LY75: variants seen among roughly 807,000 people sequenced by gnomAD.
LY75 encodes lymphocyte antigen 75, also known as C-type lectin domain family 13 member B.
A neutral mutation model predicts 231.7 loss-of-function variants in LY75; 185 were observed. That is an observed-to-expected ratio of 0.80 (90% CI 0.71 to 0.90). The LOEUF (loss-of-function observed/expected upper bound fraction) is 0.90, where lower values mean the gene tolerates loss of function less well. Ranked by LOEUF, LY75 falls within the 40% of genes least tolerant of loss-of-function variation. The probability of loss-of-function intolerance (pLI) is 0.00; values close to 1 mark genes in which losing one functional copy is unlikely to be tolerated. For synonymous variants in LY75, 668 were observed against 689.0 expected (o/e 0.97, Z 0.48); for missense variants, 1,947 against 2,050.2 (o/e 0.95, Z 0.97).
Position 159,890,228 on chromosome 2 carries a change from A to T in LY75, c.787T>A (p.Leu263Ile), listed in dbSNP as rs1342908967. Residue 263 changes from leucine (L) to isoleucine (I), a missense_variant, in exon 4 of 35, where the codon TTA becomes ATA. By Grantham distance (5) the Leu-to-Ile change is conservative. Coordinates refer to ENST00000263636, the MANE Select transcript of LY75 (RefSeq NM_002349.4). Reference sequence around the variant, plus strand: ...TAAAATCTACCTTTAAGGTAAGTTAATTCAGCAGCACTGTTGATGCTCAGT... The same window carrying T: ...TAAAATCTACCTTTAAGGTAAGTTATTTCAGCAGCACTGTTGATGCTCAGT... ...DLLSINSAAE[L>I]TYLKEKEGIA... 1 of 1,611,470 alleles carries T rather than the reference A, an allele frequency of 6.2e-7. No individual in the cohort carries two copies. The highest frequency in any genetic ancestry group is 1.1e-5 in the South Asian group (1 of 90,434).
rs1452233867 is a variant in LY75, at chr2:159,904,691, G to A, written c.-9C>T. 2.8e-6 allele frequency: 4 copies of A among 1,424,972 alleles called. No homozygotes were observed. The African/African-American group carries it at 6.0e-5, about 22-fold the overall frequency. The allele number at this position is 1,424,972 out of a possible 1,614,324, so 88.3% of individuals were successfully genotyped here. Reference sequence around the variant, plus strand: ...GCCCAGCCTGTCCTCATCCTGAGCTGGCGCAAGCCTTCCGGCCGGGTCCTC... The same window carrying A: ...GCCCAGCCTGTCCTCATCCTGAGCTAGCGCAAGCCTTCCGGCCGGGTCCTC... On this transcript the variant is annotated 5_prime_UTR_variant, in exon 1 of 35. Coordinates refer to ENST00000263636, the MANE Select transcript of LY75 (RefSeq NM_002349.4).
intron 14 of LY75, among the ~76,000 whole-genome samples, chr2:159,861,452 A>G (rs1488377165): frequency 6.6e-6 from 1 of 152,228 alleles, no homozygotes; most frequent in Non-Finnish European, 1.5e-5. Context: ...ATTTCCTCCA[A>G]TAAGGATACT....
chr2:159,895,548 T>A (rs1391060220), intron 2 of LY75, among the ~76,000 whole-genome samples: 1 of 152,204 alleles, frequency 6.6e-6, no homozygotes, highest in East Asian at 1.9e-4. Flanking sequence ...TTGTTCTTTA[T>A]CATAAACCTG....
At chr2:159,879,054 T>A (rs1471718545) in intron 9 of LY75, among the ~76,000 whole-genome samples, 2 of 152,200 alleles carry the variant, frequency 1.3e-5, no homozygotes, top group African/African-American at 2.4e-5. Context: ...ATTCTACAAA[T>A]ATTTATAGAA....
rs761613853 is a variant in LY75 at position 159,840,966 on chromosome 2, A to G, written c.3281-11T>C. The G allele has an allele frequency of 8.7e-6, 14 of 1,611,590 alleles. No individual in the cohort carries two copies. The highest frequency in any genetic ancestry group is 1.0e-5 in the Non-Finnish European group (12 of 1,179,342). ...GTCTGCTTTTAACTTCTGCATGTAAAAGAAAACAACAACAACAACAAACCC... is the reference window on the plus strand; with the variant it reads ...GTCTGCTTTTAACTTCTGCATGTAAGAGAAAACAACAACAACAACAAACCC... On this transcript the variant is annotated splice_polypyrimidine_tract_variant and intron_variant, in intron 24 of 34. Transcript: ENST00000263636.
intron 21 of LY75, 147 bp downstream of exon 21, chr2:159,852,054 C>T (rs1684415529): frequency 8.4e-7 from 1 of 1,190,534 alleles, no homozygotes; most frequent in South Asian, 2.0e-5. Context: ...TCCACGGTTT[C>T]TGGCAACACA....
At position 159,853,700 on chromosome 2, in the gene LY75, G is replaced by A; in HGVS notation, c.2596-3C>T. The stretch of plus-strand genomic sequence containing the variant: ...CACTTCTGTCCATCACCAGATATCT[G>A]AAAAACAAGCCAAACATCCATCCTT... On this transcript the variant is annotated splice_polypyrimidine_tract_variant and splice_region_variant and intron_variant, in intron 18 of 34. Coordinates refer to ENST00000263636, the MANE Select transcript of LY75 (RefSeq NM_002349.4). 1 of 1,613,294 alleles carries A rather than the reference G, an allele frequency of 6.2e-7. No individual in the cohort carries two copies. The highest frequency in any genetic ancestry group is 8.5e-7 in the Non-Finnish European group (1 of 1,179,760).
At chr2:159,891,841 AG>A (rs776021275) in intron 3 of LY75, among the ~76,000 whole-genome samples, 4 of 152,230 alleles carry the variant, frequency 2.6e-5, no homozygotes, top group Non-Finnish European at 4.4e-5. Context: ...CCTGAGAAAC[AG>A]GGGTTTACAT....
intron 23 of LY75, among the ~76,000 whole-genome samples, chr2:159,848,113 C>CA (rs1188769706): frequency 1.4e-5 from 2 of 140,966 alleles, no homozygotes; most frequent in East Asian, 2.2e-4. Context: ...CATACACACA[C>CA]CATATATACG....
At chr2:159,830,718 T>C (rs1366473123) in intron 28 of LY75, among the ~76,000 whole-genome samples, 1 of 151,818 alleles carries the variant, frequency 6.6e-6, no homozygotes, top group East Asian at 1.9e-4. Context: ...GCTTCCCAAG[T>C]AACTAGGCAC....
In LY75 at chr2:159,850,482, A is replaced by AT. The variant is rs1560080800; in HGVS notation, c.2884-16dup. 1.9e-6 allele frequency: 3 copies of AT among 1,613,016 alleles called. No individual in the cohort carries two copies. Among genetic ancestry groups the AT allele is most frequent in the Non-Finnish European group, 2.5e-6 (3 of 1,179,370 alleles). On this transcript the variant is annotated splice_polypyrimidine_tract_variant and intron_variant, in intron 21 of 34. Transcript: ENST00000263636. Reference sequence around the variant, plus strand: ...TTTAGAAAACACTGCAAACAAAGACATATGTGAAGCATGAGATTCCAGACA... The same window carrying AT: ...TTTAGAAAACACTGCAAACAAAGACATTATGTGAAGCATGAGATTCCAGACA...
At chr2:159,893,103 A>G (rs1374595404) in intron 3 of LY75, among the ~76,000 whole-genome samples, 1 of 152,228 alleles carries the variant, frequency 6.6e-6, no homozygotes. Flanking sequence ...AAAGTTCCAC[A>G]TCACCAAACT....
chr2:159,896,043 T>C (rs1685901187), intron 2 of LY75, among the ~76,000 whole-genome samples: 1 of 152,228 alleles, frequency 6.6e-6, no homozygotes, highest in African/African-American at 2.4e-5. Context: ...GAGGTGATTA[T>C]GCAGAAAACT....
At chr2:159,819,641 G>C (rs1683226417) in intron 29 of LY75, 85 bp downstream of exon 29, 1 of 1,448,642 alleles carries the variant, frequency 6.9e-7, no homozygotes, top group Non-Finnish European at 9.3e-7. Context: ...GGAAGCATTT[G>C]ATTGTATGAT....
At chr2:159,866,753 T>G (rs1462505564) in intron 13 of LY75, among the ~76,000 whole-genome samples, 2 of 152,184 alleles carry the variant, frequency 1.3e-5, no homozygotes, top group Non-Finnish European at 2.9e-5. Context: ...TTCTCCCAAA[T>G]CTTTGCACAT....
At chr2:159,814,934 C>T (rs919936994) in intron 31 of LY75, among the ~76,000 whole-genome samples, 4 of 150,946 alleles carry the variant, frequency 2.6e-5, no homozygotes, top group East Asian at 1.9e-4. Flanking sequence ...AGTGCTTATA[C>T]TGTATTTGTT....
chr2:159,834,178 C>T lies in LY75; in HGVS notation c.3707G>A (p.Ser1236Asn). The T allele has an allele frequency of 6.2e-7, 1 of 1,613,982 alleles. No individual in the cohort carries two copies. Among genetic ancestry groups the T allele is most frequent in the Admixed American group, 1.7e-5 (1 of 60,020 alleles). ...TAGAACAGGAGATGGACATTTAACACTGTCAACTGGTTTGACCTCTTTTTC... is the reference window on the plus strand; with the variant it reads ...TAGAACAGGAGATGGACATTTAACATTGTCAACTGGTTTGACCTCTTTTTC... The part of the protein sequence containing the change: ...ETEKEVKPVD[S>N]VKCPSPVLNT... Residue 1236 changes from serine to asparagine, a missense_variant, in exon 27 of 35, where the codon AGT (serine) becomes AAT (asparagine). Coordinates refer to ENST00000263636, the MANE Select transcript of LY75 (RefSeq NM_002349.4).
At chr2:159,834,263 T>A in intron 26 of LY75, 52 bp from the exon 27 acceptor site, 1 of 1,604,966 alleles carries the variant, frequency 6.2e-7, no homozygotes, top group Non-Finnish European at 8.5e-7. Flanking sequence ...AAATGTTAAA[T>A]CCTGTTTGCA....
At chr2:159,865,975 T>G (rs1361829964) in intron 13 of LY75, among the ~76,000 whole-genome samples, 1 of 152,154 alleles carries the variant, frequency 6.6e-6, no homozygotes, top group African/African-American at 2.4e-5. Flanking sequence ...CATTTGAAAA[T>G]GTTTTCTAAA....
Sources: gnomAD v4.1 joint callset for allele counts (sites outside exome capture counted in the v4.1 genomes callset) on GRCh38, gnomAD v4.1.1 for gene constraint, MANE v1.5 for transcripts, NCBI Gene and HGNC (gene_info 2026-07-23, HGNC 2026-07-21) for gene names.